Variants in MYBL1 observed in about 807,000 individuals in gnomAD.
The protein encoded by MYBL1 is MYB proto-oncogene like 1.
In MYBL1, 17 loss-of-function variants were observed where a neutral mutation model predicts 96.3. The ratio of observed to expected loss-of-function variants is 0.18; its 90% CI spans 0.12 to 0.26. The LOEUF (loss-of-function observed/expected upper bound fraction) is 0.26. Ranked by LOEUF, MYBL1 falls within the 10% of genes least tolerant of loss-of-function variation. The pLI is 1.00. For missense variants in MYBL1, 701 were observed against 882.9 expected, an observed-to-expected ratio of 0.79 and a Z score of 2.61; for synonymous variants, 282 against 292.7, an observed-to-expected ratio of 0.96 and a Z score of 0.37.
At chr8:66,586,975 G>C (rs1271962231) in intron 8 of MYBL1, among the ~76,000 whole-genome samples, 1 of 152,050 alleles carries the variant, frequency 6.6e-6, no homozygotes, top group African/African-American at 2.4e-5. Context: ...ACTTACATGT[G>C]GAAGCTAAAA....
At chr8:66,599,662 T>C (rs1809990099) in intron 3 of MYBL1, among the ~76,000 whole-genome samples, 1 of 152,048 alleles carries the variant, frequency 6.6e-6, no homozygotes. Context: ...TAGCCGGATG[T>C]GGTGGTGCAT....
intron 1 of MYBL1, among the ~76,000 whole-genome samples, chr8:66,608,848 AT>A (rs1174926065): frequency 6.6e-6 from 1 of 152,122 alleles, no homozygotes; most frequent in Non-Finnish European, 1.5e-5. Flanking sequence ...AAGTGACATT[AT>A]TTCTCTAGTC....
intron 4 of MYBL1, among the ~76,000 whole-genome samples, chr8:66,597,846 C>CT (rs1319602140): frequency 1.7e-5 from 1 of 59,278 alleles, no homozygotes; most frequent in Non-Finnish European, 2.8e-5. Context: ...ACTCCTACAT[C>CT]TAAAAAAAAA....
At chr8:66,608,321 T>G (rs924507754) in intron 1 of MYBL1, among the ~76,000 whole-genome samples, 2 of 152,176 alleles carry the variant, frequency 1.3e-5, no homozygotes, top group African/African-American at 4.8e-5. Context: ...CAATGTTCAG[T>G]AAGCTGGGCT....
At chr8:66,572,134 A>T (rs1214522649) in intron 12 of MYBL1, among the ~76,000 whole-genome samples, 1 of 151,802 alleles carries the variant, frequency 6.6e-6, no homozygotes, top group Non-Finnish European at 1.5e-5. Flanking sequence ...AGGCTGGCCA[A>T]TGTGGTGAAA....
chr8:66,597,926 TA>T (rs1244974990), intron 4 of MYBL1, among the ~76,000 whole-genome samples: 1 of 149,152 alleles, frequency 6.7e-6, no homozygotes, highest in Admixed American at 6.7e-5. Context: ...AGAAAGATTC[TA>T]CCAAGTTATT....
intron 8 of MYBL1, among the ~76,000 whole-genome samples, chr8:66,589,069 G>A (rs1261259537): frequency 6.6e-6 from 1 of 152,116 alleles, no homozygotes; most frequent in Non-Finnish European, 1.5e-5. Context: ...TATTCTACTG[G>A]CTGCAGCAAC....
In MYBL1 at chr8:66,573,467, C is replaced by G; in HGVS notation, c.1510G>C (p.Glu504Gln). ...TCPGNEQLNIENPSFTSTPIC... is the reference protein window; with the variant it reads ...TCPGNEQLNIQNPSFTSTPIC... ...GGGGTTGATGTAAATGAAGGATTTT[C>G]TATATTAAGTTGTTCATTACCAGGA... The change falls in exon 11 of 16, where the codon GAA becomes CAA. Residue 504 changes from glutamate (E) to glutamine (Q), a missense_variant. Physicochemically the swap from Glu to Gln is conservative, Grantham distance 29. Coordinates refer to ENST00000522677, the MANE Select transcript of MYBL1 (RefSeq NM_001080416.4). The G allele has an allele frequency of 6.2e-7, 1 of 1,610,826 alleles. No homozygotes were observed. Among genetic ancestry groups the G allele is most frequent in the Non-Finnish European group, 8.5e-7 (1 of 1,178,528 alleles).
At chr8:66,609,936 T>A (rs1198830697) in intron 1 of MYBL1, among the ~76,000 whole-genome samples, 1 of 152,000 alleles carries the variant, frequency 6.6e-6, no homozygotes, top group Admixed American at 6.5e-5. Flanking sequence ...CCCATTTTGC[T>A]GGAAACAACA....
At chr8:66,595,533 T>A (rs1365388195) in intron 6 of MYBL1, 50 bp downstream of exon 6, 1 of 1,212,104 alleles carries the variant, frequency 8.3e-7, no homozygotes, top group Admixed American at 3.6e-5. Flanking sequence ...TCTTCCCATA[T>A]AGCAACTTAA....
At chr8:66,579,710 G>T (rs1321084257) in intron 9 of MYBL1, among the ~76,000 whole-genome samples, 1 of 151,482 alleles carries the variant, frequency 6.6e-6, no homozygotes, top group Non-Finnish European at 1.5e-5. Flanking sequence ...TCATGACAGG[G>T]TGGAAAACAA....
At chr8:66,596,259 T>C (rs1809846124) in intron 5 of MYBL1, among the ~76,000 whole-genome samples, 1 of 152,146 alleles carries the variant, frequency 6.6e-6, no homozygotes, top group Non-Finnish European at 1.5e-5. Context: ...AACATGATCA[T>C]GAAAAGCAAA....
chr8:66,594,189 C>T (rs1440956048), intron 6 of MYBL1, among the ~76,000 whole-genome samples: 1 of 151,754 alleles, frequency 6.6e-6, no homozygotes, highest in South Asian at 2.1e-4. Flanking sequence ...AAATTGTCTG[C>T]TTTCCGTAAT....
intron 12 of MYBL1, among the ~76,000 whole-genome samples, chr8:66,567,280 A>C (rs1358566143): frequency 6.6e-6 from 1 of 152,234 alleles, no homozygotes; most frequent in Non-Finnish European, 1.5e-5. Flanking sequence ...AGAATTAAAC[A>C]GAAAAGAAAG....
In MYBL1 at chr8:66,562,647, G is replaced by T. The variant is rs1232686345; in HGVS notation, c.*2050C>A. ...TACAAGATATTATACTTTGGTGATT[G>T]CAGACTATGTATATCCAGGTAAGGG... On this transcript the variant is annotated 3_prime_UTR_variant, in exon 16 of 16. Coordinates refer to ENST00000522677, the MANE Select transcript of MYBL1 (RefSeq NM_001080416.4). 2.0e-5 allele frequency: 3 copies of T among 152,382 alleles called. No homozygotes were observed. Among genetic ancestry groups the T allele is most frequent in the African/African-American group, 7.2e-5 (3 of 41,394 alleles). 9.4% of individuals were successfully genotyped at this position (152,382 alleles called of 1,614,324 possible).
intron 6 of MYBL1, 92 bp downstream of exon 6, chr8:66,595,491 G>C: frequency 1.6e-6 from 1 of 627,622 alleles, no homozygotes; most frequent in Non-Finnish European, 2.4e-6. Context: ...CCCTTAATAC[G>C]CATTGTATTT....
chr8:66,612,509 C>T, intron 1 of MYBL1: 1 of 370,238 alleles, frequency 2.7e-6, no homozygotes, highest in Non-Finnish European at 4.8e-6. Flanking sequence ...AAGCGCTCGA[C>T]TTACCTGGCA....
intron 5 of MYBL1, among the ~76,000 whole-genome samples, chr8:66,596,090 T>C (rs1809839415): frequency 6.6e-6 from 1 of 151,744 alleles, no homozygotes; most frequent in Non-Finnish European, 1.5e-5. Context: ...AATAAATGAA[T>C]AAAAAATTCA....
chr8:66,595,985 T>C (rs559626270), intron 5 of MYBL1, among the ~76,000 whole-genome samples: 17 of 152,218 alleles, frequency 1.1e-4, no homozygotes, highest in Middle Eastern at 3.4e-3. Flanking sequence ...ACCAGAAATA[T>C]TGCAGTGAGT....
Sources: gnomAD v4.1 joint callset for allele counts (sites outside exome capture counted in the v4.1 genomes callset) on GRCh38, gnomAD v4.1.1 for gene constraint, MANE v1.5 for transcripts, NCBI Gene and HGNC (gene_info 2026-07-23, HGNC 2026-07-21) for gene names.